Variants in EHMT1 observed in about 807,000 individuals in gnomAD.
EHMT1 encodes the protein histone-lysine N-methyltransferase EHMT1.
Under a neutral mutation model 147.2 loss-of-function variants are expected in EHMT1, and 15 were observed. The ratio of observed to expected loss-of-function variants is 0.10; its 90% CI spans 0.07 to 0.16. The LOEUF (loss-of-function observed/expected upper bound fraction) is 0.16, where lower values mean the gene tolerates loss of function less well. EHMT1 is among the 10% of genes least tolerant of loss of function. The pLI is 1.00. For missense variants in EHMT1, 1,587 were observed against 1,772.4 expected (o/e 0.90, Z 1.88); for synonymous variants, 795 against 709.6 (o/e 1.12, Z -1.91).
intron 1 of EHMT1, among the ~76,000 whole-genome samples, chr9:137,633,153 C>G (rs939587547): frequency 2.0e-5 from 3 of 152,046 alleles, no homozygotes; most frequent in Non-Finnish European, 4.4e-5. Flanking sequence ...TGCCATTCAC[C>G]CGGACAGGGA....
At chr9:137,718,555 G>GT (rs1427843462) in intron 3 of EHMT1, among the ~76,000 whole-genome samples, 3 of 152,120 alleles carry the variant, frequency 2.0e-5, no homozygotes, top group Non-Finnish European at 4.4e-5. Context: ...GTTTTCTTCT[G>GT]TTTTCTTCCC....
intron 1 of EHMT1, among the ~76,000 whole-genome samples, chr9:137,626,529 CAAAAA>C (rs201748680): frequency 1.2e-5 from 1 of 80,736 alleles, no homozygotes; most frequent in Non-Finnish European, 2.6e-5. Flanking sequence ...TGTCTCTAAC[CAAAAA>C]AAAAAAAAAA....
rs7036085 is a variant in EHMT1 at position 137,711,153 on chromosome 9, A to G, written c.85+123A>G. 1,695 of 980,044 alleles carry G rather than the reference A, an allele frequency of 1.7e-3. 18 individuals carry two copies. In the African/African-American group the frequency reaches 0.025, roughly 14 times the overall value. 60.7% of individuals were successfully genotyped at this position (980,044 alleles called of 1,614,324 possible). A position where few individuals can be genotyped will look rare whatever the true frequency, so the allele number is the denominator to read the frequency against. On this transcript the variant is annotated intron_variant, in intron 2 of 26. Transcript: ENST00000460843. The stretch of plus-strand genomic sequence containing the variant: ...TCTTTGCTTCACCTAGGTTTATGGT[A>G]TAGTTTCTAATCTATCCCATTCCTA...
intron 3 of EHMT1, 80 bp from the exon 4 acceptor site, chr9:137,728,269 G>T: frequency 1.9e-6 from 3 of 1,579,096 alleles, no homozygotes; most frequent in Non-Finnish European, 2.6e-6. Flanking sequence ...TCGGGGAGAA[G>T]AACTGTGATT....
intron 1 of EHMT1, among the ~76,000 whole-genome samples, chr9:137,691,349 T>A (rs10481733): frequency 4.7e-5 from 7 of 148,598 alleles, no homozygotes; most frequent in Non-Finnish European, 7.5e-5. Context: ...TTTCTTAAAA[T>A]TTTTTTTTTG....
At chr9:137,812,301 T>C (rs371594066) in intron 19 of EHMT1, among the ~76,000 whole-genome samples, 1 of 152,192 alleles carries the variant, frequency 6.6e-6, no homozygotes, top group South Asian at 2.1e-4. Context: ...ATTGCGACGC[T>C]ACACTCCAAC....
At chr9:137,757,426 C>G (rs1346199385) in intron 8 of EHMT1, among the ~76,000 whole-genome samples, 1 of 152,262 alleles carries the variant, frequency 6.6e-6, no homozygotes, top group Non-Finnish European at 1.5e-5. Context: ...GATTTGCCTG[C>G]AACATGGCAC....
chr9:137,653,602 C>A (rs1938102750), intron 1 of EHMT1, among the ~76,000 whole-genome samples: 1 of 152,000 alleles, frequency 6.6e-6, no homozygotes, highest in Admixed American at 6.6e-5. Context: ...GATCTCAGCT[C>A]ACTGCAACCT....
At chr9:137,700,132 C>T (rs1280128479) in intron 1 of EHMT1, among the ~76,000 whole-genome samples, 1 of 152,162 alleles carries the variant, frequency 6.6e-6, no homozygotes, top group African/African-American at 2.4e-5. Flanking sequence ...AGCTACACAC[C>T]AGTATTTACC....
intron 15 of EHMT1, chr9:137,785,604 C>G (rs1350218080): frequency 6.6e-6 from 1 of 152,220 alleles, no homozygotes; most frequent in Non-Finnish European, 1.5e-5. Flanking sequence ...TCCATTCTTC[C>G]TTTTGAGAAT....
At chr9:137,722,962 T>C (rs1345505313) in intron 3 of EHMT1, among the ~76,000 whole-genome samples, 1 of 95,396 alleles carries the variant, frequency 1.0e-5, no homozygotes, top group Non-Finnish European at 1.9e-5. Flanking sequence ...GCCGGGGGTG[T>C]GTCTGTGTCT....
intron 24 of EHMT1, 115 bp from the exon 25 acceptor site, chr9:137,817,945 C>T: frequency 2.0e-6 from 2 of 990,110 alleles, no homozygotes; most frequent in East Asian, 2.4e-5. Context: ...ATGTTCCCTG[C>T]ATGTTCTTCT....
rs1025787561 is a variant in EHMT1 at position 137,710,981 on chromosome 9, G to C, written c.36G>C (p.Arg12Ser). 11 of 1,598,648 alleles carry C rather than the reference G, an allele frequency of 6.9e-6. No individual in the cohort carries two copies. The Admixed American group carries it at 6.9e-5, about 10-fold the overall frequency. The change falls in exon 2 of 27, where the codon AGG (arginine) becomes AGC (serine). Residue 12 changes from arginine (R) to serine (S), a missense_variant. This residue lies in a region of EHMT1 where 810 missense variants were observed against 673.0 expected (regional missense o/e 1.20). Coordinates refer to ENST00000460843, the MANE Select transcript of EHMT1 (RefSeq NM_024757.5). ...CTCTCTAACAGGCAGTTCCGGCGAG[G>C]GGGGAGCCTCAGCAGGATTGCTGTG... is the stretch of plus-strand genomic sequence containing the variant. Reference protein sequence around the residue: ...AAADAEAVPARGEPQQDCCVK... With the variant: ...AAADAEAVPASGEPQQDCCVK...
chr9:137,807,517 G>A (rs202210943), intron 18 of EHMT1, among the ~76,000 whole-genome samples: 2 of 142,126 alleles, frequency 1.4e-5, no homozygotes, highest in African/African-American at 5.5e-5. Context: ...TTATTTATTT[G>A]TTTATTTTAA....
chr9:137,808,969 A>C (rs942258511), intron 18 of EHMT1, among the ~76,000 whole-genome samples: 3 of 152,130 alleles, frequency 2.0e-5, no homozygotes, highest in Admixed American at 6.6e-5. Context: ...ATCATAAATC[A>C]TTCTGATAAA....
intron 1 of EHMT1, chr9:137,667,432 A>C (rs1237917169): frequency 6.6e-6 from 1 of 151,760 alleles, no homozygotes; most frequent in Non-Finnish European, 1.5e-5. Context: ...TTCTGGCCTC[A>C]CTCTACTCCT....
chr9:137,620,796 A>G (rs922904110), intron 1 of EHMT1, among the ~76,000 whole-genome samples: 3 of 152,200 alleles, frequency 2.0e-5, no homozygotes, highest in Admixed American at 6.5e-5. Flanking sequence ...TGTTTAATAC[A>G]TGACCGATGA....
chr9:137,753,014 C>G (rs948995991), intron 7 of EHMT1, among the ~76,000 whole-genome samples: 4 of 152,140 alleles, frequency 2.6e-5, no homozygotes, highest in Non-Finnish European at 4.4e-5. Flanking sequence ...ATTGTGCACC[C>G]TGGTCTGCGG....
At chr9:137,819,564 G>C in intron 25 of EHMT1, among the ~76,000 whole-genome samples, 1 of 63,894 alleles carries the variant, frequency 1.6e-5, no homozygotes, top group Non-Finnish European at 2.6e-5. Flanking sequence ...TACCGAGACC[G>C]TAGAGAGGCC....
Sources: allele counts gnomAD v4.1 joint callset (sites outside exome capture counted in the v4.1 genomes callset), GRCh38; gene constraint gnomAD v4.1.1; regional missense constraint gnomAD v4.1.1; transcripts MANE v1.5; gene names NCBI Gene and HGNC (gene_info 2026-07-23, HGNC 2026-07-21).